CLVS2: variants seen among roughly 807,000 people sequenced by gnomAD.
CLVS2 encodes clavesin 2.
In CLVS2, 19 loss-of-function variants were observed where a neutral mutation model predicts 29.0. That is an observed-to-expected ratio of 0.66 (90% CI 0.46 to 0.96). The LOEUF (loss-of-function observed/expected upper bound fraction) is 0.96, where lower values mean the gene tolerates loss of function less well. Ranked by LOEUF, CLVS2 falls within the 40% of genes least tolerant of loss-of-function variation. CLVS2 has a pLI of 0.00. For missense variants in CLVS2, 294 were observed against 404.1 expected, an observed-to-expected ratio of 0.73 and a Z score of 2.34; for synonymous variants, 161 against 151.3, an observed-to-expected ratio of 1.06 and a Z score of -0.47.
intron 2 of CLVS2, among the ~76,000 whole-genome samples, chr6:123,003,302 G>A (rs1774616592): frequency 6.6e-6 from 1 of 152,206 alleles, no homozygotes; most frequent in African/African-American, 2.4e-5. Context: ...ACGGTGTCCT[G>A]AAAGGATGCC....
intron 2 of CLVS2, among the ~76,000 whole-genome samples, chr6:123,004,848 G>A (rs1774640767): frequency 6.6e-6 from 1 of 152,122 alleles, no homozygotes; most frequent in African/African-American, 2.4e-5. Flanking sequence ...AGGAGGTGGA[G>A]GTTTCAGTCA....
chr6:123,020,909 A>T (rs891927056), intron 3 of CLVS2, among the ~76,000 whole-genome samples: 9 of 152,032 alleles, frequency 5.9e-5, no homozygotes, highest in African/African-American at 2.2e-4. Flanking sequence ...CTAGAAATTT[A>T]AAAAATTTCA....
rs115188239 is a variant in CLVS2, at chr6:123,060,699, C to T, written c.897-2975C>T. On this transcript the variant is annotated intron_variant, in intron 5 of 5. Coordinates refer to ENST00000275162, the MANE Select transcript of CLVS2 (RefSeq NM_001010852.4). Reference sequence around the variant, plus strand: ...ATTAACCATATGCCAGAATTTGTGCCGGGGTTTATGGATGCATTGTTGCAT... The same window carrying T: ...ATTAACCATATGCCAGAATTTGTGCTGGGGTTTATGGATGCATTGTTGCAT... 1.2e-3 allele frequency among the ~76,000 whole-genome samples: 182 copies of T among 152,188 alleles called. 1 individual carries two copies. Among genetic ancestry groups the T allele is most frequent in the African/African-American group, 3.7e-3 (154 of 41,524 alleles).
chr6:123,063,638 G>T, intron 5 of CLVS2, 36 bp from the exon 6 acceptor site: 2 of 1,224,528 alleles, frequency 1.6e-6, no homozygotes, highest in Non-Finnish European at 1.2e-6. Flanking sequence ...CAATTACCTG[G>T]TAATAACTCA....
chr6:123,051,668 A>T (rs1772614129), intron 4 of CLVS2, among the ~76,000 whole-genome samples: 1 of 152,182 alleles, frequency 6.6e-6, no homozygotes, highest in Non-Finnish European at 1.5e-5. Flanking sequence ...TGATTCTCAA[A>T]AGACTTTCAT....
chr6:123,057,334 C>CTTT (rs71541220), intron 5 of CLVS2, among the ~76,000 whole-genome samples: 188 of 83,680 alleles, frequency 2.2e-3, no homozygotes, highest in Non-Finnish European at 3.6e-3. Flanking sequence ...GGATGGTCTT[C>CTTT]TTTTTTTTTT....
chr6:123,021,373 G>A (rs994943433), intron 3 of CLVS2, among the ~76,000 whole-genome samples: 8 of 151,808 alleles, frequency 5.3e-5, no homozygotes, highest in Admixed American at 2.0e-4. Context: ...ATTTAAGCAC[G>A]CAACCGGGAG....
intron 2 of CLVS2, among the ~76,000 whole-genome samples, chr6:123,001,883 A>G (rs892817172): frequency 3.9e-5 from 6 of 152,178 alleles, no homozygotes; most frequent in African/African-American, 1.4e-4. Context: ...ATTGTTGGAG[A>G]TATTCATGAG....
chr6:123,033,269 C>T (rs967420123), intron 3 of CLVS2, among the ~76,000 whole-genome samples: 1 of 151,910 alleles, frequency 6.6e-6, no homozygotes, highest in Non-Finnish European at 1.5e-5. Context: ...TTTTAATGTA[C>T]ATAGTGAAAA....
At chr6:123,019,862 C>A (rs1321355749) in intron 3 of CLVS2, among the ~76,000 whole-genome samples, 1 of 151,996 alleles carries the variant, frequency 6.6e-6, no homozygotes, top group Admixed American at 6.6e-5. Context: ...GTCTGAGAAC[C>A]AAAAGAGCCT....
chr6:123,025,217 G>T (rs12660210), intron 3 of CLVS2, among the ~76,000 whole-genome samples: 40,020 of 151,950 alleles, frequency 0.26, 6,250 homozygotes, highest in East Asian at 0.7. Flanking sequence ...AATATCCGGG[G>T]ACCTGGAAAG....
intron 3 of CLVS2, among the ~76,000 whole-genome samples, chr6:123,036,984 T>G (rs1406562731): frequency 6.6e-6 from 1 of 152,226 alleles, no homozygotes; most frequent in East Asian, 1.9e-4. Flanking sequence ...GAGAAAAATG[T>G]GTATTCTTAT....
chr6:123,008,705 T>C (rs898255195), intron 2 of CLVS2, among the ~76,000 whole-genome samples: 1 of 149,446 alleles, frequency 6.7e-6, no homozygotes, highest in African/African-American at 2.5e-5. Context: ...TTGGTGGGGG[T>C]CTGAATTTCA....
chr6:123,026,878 G>A (rs954436921), intron 3 of CLVS2, among the ~76,000 whole-genome samples: 6 of 152,094 alleles, frequency 3.9e-5, no homozygotes, highest in African/African-American at 1.4e-4. Context: ...ATCATATGAA[G>A]ACACTCACAC....
At chr6:123,051,126 TACTC>T (rs139861946) in intron 4 of CLVS2, among the ~76,000 whole-genome samples, 2,370 of 152,306 alleles carry the variant, frequency 0.016, 66 homozygotes, top group African/African-American at 0.055. Flanking sequence ...ATCACAATAT[TACTC>T]ACACACCTTA....
At chr6:123,037,007 T>C (rs1025419790) in intron 3 of CLVS2, among the ~76,000 whole-genome samples, 2 of 152,212 alleles carry the variant, frequency 1.3e-5, no homozygotes, top group Admixed American at 6.5e-5. Context: ...TTTTCAAATA[T>C]ACAGATTACT....
At chr6:123,057,325 G>A (rs1348259320) in intron 5 of CLVS2, among the ~76,000 whole-genome samples, 1 of 143,626 alleles carries the variant, frequency 7.0e-6, no homozygotes, top group East Asian at 2.1e-4. Flanking sequence ...GTTCTTTAAG[G>A]ATGGTCTTCT....
At position 123,029,632 on chromosome 6, in the gene CLVS2, TA is replaced by T. The variant is rs902537108; in HGVS notation, c.564+18482del. ...TAGTAGAAGGACATGAATGCCACTG[TA>T]AAAAAAAATAAGTTTTTTGTTTGTT... On this transcript the variant is annotated intron_variant, in intron 3 of 5. Coordinates refer to ENST00000275162, the MANE Select transcript of CLVS2 (RefSeq NM_001010852.4). Among the ~76,000 whole-genome samples the T allele has an allele frequency of 2.9e-3, 446 of 151,538 alleles. 4 individuals are homozygous for T. Among genetic ancestry groups the T allele is most frequent in the African/African-American group, 8.1e-3 (334 of 41,380 alleles).
rs897942811 is a variant in CLVS2 at position 123,071,240 on chromosome 6, T to C, written c.*7479T>C. On this transcript the variant is annotated 3_prime_UTR_variant, in exon 6 of 6. Transcript: ENST00000275162. ...TTTCAGCAAGTTATGTAACGGCCAA[T>C]AGTATGAATTGAAAGAGTTTCTTGT... The C allele has an allele frequency of 6.6e-6, 1 of 152,024 alleles. No homozygotes were observed. Among genetic ancestry groups the C allele is most frequent in the Non-Finnish European group, 1.5e-5 (1 of 67,938 alleles). 9.4% of individuals were successfully genotyped at this position (152,024 alleles called of 1,614,324 possible).
Sources: gnomAD v4.1 joint callset for allele counts (sites outside exome capture counted in the v4.1 genomes callset) on GRCh38, gnomAD v4.1.1 for gene constraint, MANE v1.5 for transcripts, NCBI Gene and HGNC (gene_info 2026-07-23, HGNC 2026-07-21) for gene names.